Variants in DCC observed in about 807,000 individuals in gnomAD.
DCC encodes the protein netrin receptor DCC.
A neutral mutation model predicts 172.5 loss-of-function variants in DCC; 58 were observed. That is an observed-to-expected ratio of 0.34 (90% CI 0.27 to 0.42). The LOEUF (loss-of-function observed/expected upper bound fraction) is 0.42. Among genes scored for constraint, DCC ranks in the 10% least tolerant of loss-of-function variants. DCC has a pLI of 1.00. For synonymous variants in DCC, 709 were observed against 644.5 expected (o/e 1.10, Z -1.52); for missense variants, 1,740 against 1,791.0 (o/e 0.97, Z 0.51).
At chr18:52,360,644 C>G (rs2144268511) in intron 1 of DCC, among the ~76,000 whole-genome samples, 1 of 152,168 alleles carries the variant, frequency 6.6e-6, no homozygotes, top group Non-Finnish European at 1.5e-5. Context: ...ATCAATAACC[C>G]AATTTTCTCT....
At chr18:52,850,138 C>T (rs976970158) in intron 2 of DCC, among the ~76,000 whole-genome samples, 1 of 152,144 alleles carries the variant, frequency 6.6e-6, no homozygotes, top group Non-Finnish European at 1.5e-5. Context: ...TGCATTTCTA[C>T]TTATACCCTA....
intron 3 of DCC, among the ~76,000 whole-genome samples, chr18:52,911,079 C>G (rs2039964681): frequency 6.6e-6 from 1 of 152,066 alleles, no homozygotes; most frequent in Admixed American, 6.6e-5. Flanking sequence ...CATTTCAAAA[C>G]TAATCTATTT....
chr18:53,485,903 T>C (rs1295087850), intron 25 of DCC, among the ~76,000 whole-genome samples: 1 of 152,066 alleles, frequency 6.6e-6, no homozygotes, highest in East Asian at 1.9e-4. Flanking sequence ...ACTCCAGTTA[T>C]TGGCATTACC....
chr18:53,033,870 C>T (rs2042057899), intron 5 of DCC, among the ~76,000 whole-genome samples: 1 of 152,094 alleles, frequency 6.6e-6, no homozygotes, highest in South Asian at 2.1e-4. Context: ...ATTAAGGTCT[C>T]CAATGACCTG....
At chr18:52,418,415 G>C (rs985328036) in intron 1 of DCC, among the ~76,000 whole-genome samples, 2 of 152,134 alleles carry the variant, frequency 1.3e-5, no homozygotes, top group Non-Finnish European at 2.9e-5. Flanking sequence ...CAGTGTTTTT[G>C]AGGCTGGAGC....
intron 26 of DCC, among the ~76,000 whole-genome samples, chr18:53,498,289 T>G (rs146011613): frequency 4.5e-4 from 68 of 152,364 alleles, no homozygotes; most frequent in African/African-American, 1.6e-3. Flanking sequence ...TCTTGAAATA[T>G]TTCCTGGTTA....
intron 12 of DCC, among the ~76,000 whole-genome samples, chr18:53,220,366 A>G (rs1412594657): frequency 1.3e-5 from 2 of 152,178 alleles, no homozygotes; most frequent in East Asian, 3.9e-4. Flanking sequence ...CTTCTAGTCA[A>G]CGTTCATTTC....
At chr18:52,751,259 T>C (rs1005882540) in intron 1 of DCC, among the ~76,000 whole-genome samples, 5 of 152,192 alleles carry the variant, frequency 3.3e-5, no homozygotes, top group African/African-American at 9.7e-5. Context: ...CATGTGAGTA[T>C]TCTGTCAAAT....
intron 2 of DCC, among the ~76,000 whole-genome samples, chr18:52,780,561 A>T (rs1393795533): frequency 1.3e-5 from 2 of 151,876 alleles, no homozygotes; most frequent in African/African-American, 2.4e-5. Flanking sequence ...AAGCAGGGAA[A>T]ACTGTGTATA....
chr18:53,329,390 AC>A (rs2057506115), intron 14 of DCC, among the ~76,000 whole-genome samples: 1 of 152,054 alleles, frequency 6.6e-6, no homozygotes, highest in African/African-American at 2.4e-5. Context: ...AAGACACTGC[AC>A]TAAAAACCTA....
At chr18:53,024,232 G>C (rs921471060) in intron 5 of DCC, among the ~76,000 whole-genome samples, 5 of 152,118 alleles carry the variant, frequency 3.3e-5, no homozygotes, top group African/African-American at 1.2e-4. Flanking sequence ...TTAGATGAAA[G>C]ATATGATATA....
chr18:53,283,251 G>A (rs2144732226), intron 12 of DCC, among the ~76,000 whole-genome samples: 1 of 152,240 alleles, frequency 6.6e-6, no homozygotes, highest in Non-Finnish European at 1.5e-5. Context: ...CCTGTAAGTT[G>A]GCTTTAACAT....
At chr18:52,805,419 TA>T (rs966541471) in intron 2 of DCC, among the ~76,000 whole-genome samples, 34 of 151,994 alleles carry the variant, frequency 2.2e-4, no homozygotes, top group South Asian at 4.2e-4. Flanking sequence ...ATGGTCTAGA[TA>T]AAAAAAATTA....
chr18:52,953,405 C>T (rs527592301), intron 5 of DCC, among the ~76,000 whole-genome samples: 5 of 152,280 alleles, frequency 3.3e-5, no homozygotes, highest in Admixed American at 2.0e-4. Context: ...GCCTCTGTGA[C>T]CCAGTCCAAA....
At chr18:52,715,223 T>C (rs1227907361) in intron 1 of DCC, among the ~76,000 whole-genome samples, 1 of 150,620 alleles carries the variant, frequency 6.6e-6, no homozygotes, top group Admixed American at 6.6e-5. Flanking sequence ...ATATATAAAA[T>C]ATATATATAT....
At chr18:52,359,391 A>G (rs1425113113) in intron 1 of DCC, among the ~76,000 whole-genome samples, 1 of 152,198 alleles carries the variant, frequency 6.6e-6, no homozygotes, top group African/African-American at 2.4e-5. Flanking sequence ...ATCCCATTTT[A>G]AGTAGCAATG....
chr18:53,059,577 C>A (rs945450044), intron 5 of DCC, among the ~76,000 whole-genome samples: 1 of 151,988 alleles, frequency 6.6e-6, no homozygotes, highest in Non-Finnish European at 1.5e-5. Flanking sequence ...TTTTGCTCAG[C>A]GAACTTGGAA....
chr18:52,652,963 G>A (rs1177274557), intron 1 of DCC, among the ~76,000 whole-genome samples: 2 of 152,072 alleles, frequency 1.3e-5, no homozygotes, highest in African/African-American at 2.4e-5. Flanking sequence ...GAATGATGCA[G>A]GGGAAAGGGT....
intron 27 of DCC, among the ~76,000 whole-genome samples, chr18:53,513,800 A>C (rs28867449): frequency 0.47 from 67,516 of 142,854 alleles, 17,287 homozygotes; most frequent in East Asian, 0.74. Flanking sequence ...CAGGAGCACC[A>C]AGATTCATAA....
Sources: allele counts gnomAD v4.1 joint callset (sites outside exome capture counted in the v4.1 genomes callset), GRCh38; gene constraint gnomAD v4.1.1; transcripts MANE v1.5; gene names NCBI Gene and HGNC (gene_info 2026-07-23, HGNC 2026-07-21).